The following CHSY3 variants were observed in gnomAD, a reference collection of about 807,000 sequenced individuals.
CHSY3 encodes the protein chondroitin sulfate synthase 3.
Under a neutral mutation model 67.2 loss-of-function variants are expected in CHSY3, and 35 were observed. That is an observed-to-expected ratio of 0.52 (90% CI 0.40 to 0.69). CHSY3 has a LOEUF of 0.69. Ranked by LOEUF, CHSY3 falls within the 30% of genes least tolerant of loss-of-function variation. The pLI is 0.00. For missense variants in CHSY3, 1,069 were observed against 1,138.5 expected, an observed-to-expected ratio of 0.94 and a Z score of 0.88; for synonymous variants, 474 against 434.7, an observed-to-expected ratio of 1.09 and a Z score of -1.12.
intron 2 of CHSY3, among the ~76,000 whole-genome samples, chr5:130,104,707 C>A (rs1199269654): frequency 6.6e-6 from 1 of 151,570 alleles, no homozygotes; most frequent in Non-Finnish European, 1.5e-5. Context: ...AATGTTTCGA[C>A]TTGTTAATGT....
At chr5:130,078,650 T>C (rs1766348497) in intron 2 of CHSY3, among the ~76,000 whole-genome samples, 1 of 152,146 alleles carries the variant, frequency 6.6e-6, no homozygotes, top group Non-Finnish European at 1.5e-5. Context: ...CTATTATGTT[T>C]TAAAGACCAT....
chr5:130,115,238 C>T (rs1181378240), intron 2 of CHSY3, among the ~76,000 whole-genome samples: 1 of 151,528 alleles, frequency 6.6e-6, no homozygotes, highest in Non-Finnish European at 1.5e-5. Flanking sequence ...TCTTTTTTCC[C>T]CCCATTTTTT....
intron 2 of CHSY3, among the ~76,000 whole-genome samples, chr5:130,000,733 T>TTC (rs1491427757): frequency 0.05 from 674 of 13,588 alleles, 11 homozygotes; most frequent in African/African-American, 0.15. Context: ...ACTTTTCTTC[T>TTC]TTTTTTTTTT....
rs1224163833 is a variant in CHSY3 at position 130,143,802 on chromosome 5, ATATGTGTG to A, written c.1087-40423_1087-40416del. On this transcript the variant is annotated intron_variant, in intron 2 of 2. Transcript: ENST00000305031. ...TATATGTGTATATATATATATATAT[ATATGTGTG>A]TATATATATATATATATATATATAT... Among the ~76,000 whole-genome samples the A allele has an allele frequency of 1.3e-3, 71 of 56,588 alleles. 2 individuals are homozygous for A. Among genetic ancestry groups the A allele is most frequent in the Admixed American group, 6.2e-4 (3 of 4,854 alleles). 37.1% of individuals were successfully genotyped at this position (56,588 alleles called of 152,430 possible).
intron 2 of CHSY3, among the ~76,000 whole-genome samples, chr5:129,965,892 C>T (rs1762456080): frequency 6.6e-6 from 1 of 151,712 alleles, no homozygotes; most frequent in Non-Finnish European, 1.5e-5. Flanking sequence ...AGATCAGAGC[C>T]TTAAATTCTT....
chr5:130,130,233 T>G (rs1268030578), intron 2 of CHSY3, among the ~76,000 whole-genome samples: 2 of 152,154 alleles, frequency 1.3e-5, no homozygotes, highest in Admixed American at 1.3e-4. Flanking sequence ...CTATTTTTCT[T>G]CCCTGACATC....
intron 2 of CHSY3, among the ~76,000 whole-genome samples, chr5:129,911,519 A>C (rs1329184224): frequency 6.6e-6 from 1 of 152,186 alleles, no homozygotes; most frequent in African/African-American, 2.4e-5. Context: ...AGTGTCTGTC[A>C]CATAGTAAAT....
Position 129,929,993 on chromosome 5 carries a change from T to C in CHSY3, c.1086+21633T>C, listed in dbSNP as rs573016834. On this transcript the variant is annotated intron_variant, in intron 2 of 2. Coordinates refer to ENST00000305031, the MANE Select transcript of CHSY3 (RefSeq NM_175856.5). ...CAGTAAAAATATCAGGACATCAGAG[T>C]ATACCTGAATGAATGTATTGGAAGT... Among the ~76,000 whole-genome samples the C allele has an allele frequency of 1.4e-4, 21 of 152,224 alleles. No individual in the cohort carries two copies. The South Asian group carries it at 4.1e-3, about 30-fold the overall frequency.
At chr5:130,182,949 G>GC (rs567771638) in intron 2 of CHSY3, among the ~76,000 whole-genome samples, 1 of 145,072 alleles carries the variant, frequency 6.9e-6, no homozygotes, top group East Asian at 2.0e-4. Flanking sequence ...TATTAATTGA[G>GC]TTTTTTTTTT....
intron 2 of CHSY3, among the ~76,000 whole-genome samples, chr5:130,112,008 C>G (rs1041340123): frequency 5.3e-5 from 8 of 152,048 alleles, no homozygotes; most frequent in African/African-American, 1.9e-4. Context: ...AAACAGTTTT[C>G]TTAAAGTTAT....
intron 2 of CHSY3, among the ~76,000 whole-genome samples, chr5:130,047,202 A>G (rs1044581962): frequency 2.4e-4 from 36 of 152,026 alleles, no homozygotes; most frequent in African/African-American, 7.2e-4. Flanking sequence ...AAAAAGAGGA[A>G]CTATTTTCTT....
intron 2 of CHSY3, among the ~76,000 whole-genome samples, chr5:130,034,314 C>T (rs1303769432): frequency 6.6e-6 from 1 of 151,998 alleles, no homozygotes; most frequent in Admixed American, 6.6e-5. Context: ...CTATGAAAGA[C>T]TCTATCATTA....
intron 2 of CHSY3, among the ~76,000 whole-genome samples, chr5:130,025,925 A>T (rs566670415): frequency 6.6e-6 from 1 of 152,134 alleles, no homozygotes; most frequent in African/African-American, 2.4e-5. Context: ...TTTGACCACC[A>T]TTGAGAATGG....
chr5:130,073,600 T>C (rs978518033), intron 2 of CHSY3, among the ~76,000 whole-genome samples: 1 of 152,094 alleles, frequency 6.6e-6, no homozygotes, highest in Non-Finnish European at 1.5e-5. Flanking sequence ...GCTGGTGGGA[T>C]TGTAAATTAG....
At chr5:129,933,428 A>G (rs191072053) in intron 2 of CHSY3, among the ~76,000 whole-genome samples, 16 of 152,314 alleles carry the variant, frequency 1.1e-4, no homozygotes, top group Non-Finnish European at 1.6e-4. Flanking sequence ...TAATGTTGGG[A>G]AAAATCCAAT....
intron 2 of CHSY3, among the ~76,000 whole-genome samples, chr5:130,077,721 T>C (rs542982222): frequency 2.9e-4 from 44 of 152,070 alleles, no homozygotes; most frequent in Non-Finnish European, 4.3e-4. Context: ...AATTACTGAC[T>C]AGCGATCCTG....
intron 2 of CHSY3, among the ~76,000 whole-genome samples, chr5:130,055,214 C>G (rs192964657): frequency 6.7e-6 from 1 of 150,338 alleles, no homozygotes; most frequent in East Asian, 2.0e-4. Flanking sequence ...TGTGATTCAA[C>G]AAACAATTCT....
chr5:130,015,433 C>A (rs1764192032), intron 2 of CHSY3, among the ~76,000 whole-genome samples: 1 of 151,978 alleles, frequency 6.6e-6, no homozygotes, highest in South Asian at 2.1e-4. Context: ...AGGACATGAA[C>A]AGACACTTCA....
At position 130,080,931 on chromosome 5, in the gene CHSY3, A is replaced by T. The variant is rs137899660; in HGVS notation, c.1087-103298A>T. On this transcript the variant is annotated intron_variant, in intron 2 of 2. Transcript: ENST00000305031. ...ACAGGGAGAAAATTATAGAGTGATT[A>T]CTCCGCCACACAATGGGGTACAGTT... 3.1e-3 allele frequency among the ~76,000 whole-genome samples: 467 copies of T among 152,122 alleles called. 4 individuals carry two copies. The highest frequency in any genetic ancestry group is 0.011 in the African/African-American group (446 of 41,522).
Sources: allele counts gnomAD v4.1 joint callset (sites outside exome capture counted in the v4.1 genomes callset), GRCh38; gene constraint gnomAD v4.1.1; transcripts MANE v1.5; gene names NCBI Gene and HGNC (gene_info 2026-07-23, HGNC 2026-07-21).